Variants in TLK1 observed in about 807,000 individuals in gnomAD.
TLK1 encodes tousled like kinase 1.
Under a neutral mutation model 105.3 loss-of-function variants are expected in TLK1, and 24 were observed. That is an observed-to-expected ratio of 0.23 (90% confidence interval 0.17 to 0.32). TLK1 has a LOEUF of 0.32. Ranked by LOEUF, TLK1 falls within the 10% of genes least tolerant of loss-of-function variation. TLK1 has a pLI of 1.00. For missense variants in TLK1, 558 were observed against 910.5 expected (o/e 0.61, Z 4.98); for synonymous variants, 321 against 310.4 (o/e 1.03, Z -0.36).
At chr2:171,116,399 A>T (rs1034494355) in intron 2 of TLK1, among the ~76,000 whole-genome samples, 3 of 152,144 alleles carry the variant, frequency 2.0e-5, no homozygotes, top group African/African-American at 7.2e-5. Context: ...TAACAAGCAT[A>T]CAAAGAAATG....
intron 1 of TLK1, among the ~76,000 whole-genome samples, chr2:171,215,590 A>G (rs1170695760): frequency 6.6e-6 from 1 of 152,236 alleles, no homozygotes; most frequent in Non-Finnish European, 1.5e-5. Flanking sequence ...ACCAAAGGAA[A>G]TTTAAATTAT....
rs111282059 is a variant in TLK1 at position 171,139,417 on chromosome 2, G to A, written c.139+20873C>T. Among the ~76,000 whole-genome samples the A allele has an allele frequency of 3.5e-3, 539 of 152,074 alleles. 5 individuals are homozygous for A. The highest frequency in any genetic ancestry group is 0.012 in the African/African-American group (496 of 41,476). On this transcript the variant is annotated intron_variant, in intron 1 of 20. Transcript: ENST00000431350. Reference sequence around the variant, plus strand: ...GTTTGAGACCAGCCTGGACGACAAGGCGAAACCCTGTCTTTACTAAAGATT... The same window carrying A: ...GTTTGAGACCAGCCTGGACGACAAGACGAAACCCTGTCTTTACTAAAGATT...
chr2:171,166,767 G>A (rs950678042), intron 1 of TLK1, among the ~76,000 whole-genome samples: 2 of 152,134 alleles, frequency 1.3e-5, no homozygotes, highest in South Asian at 2.1e-4. Flanking sequence ...CAGGAGATAA[G>A]AACAAGAATG....
At chr2:171,023,872 T>C (rs555006165) in intron 12 of TLK1, among the ~76,000 whole-genome samples, 58 of 152,308 alleles carry the variant, frequency 3.8e-4, no homozygotes, top group Admixed American at 2.9e-3. Flanking sequence ...TAGCAGAGCT[T>C]CTGAATCACA....
intron 3 of TLK1, among the ~76,000 whole-genome samples, chr2:171,069,994 G>A (rs192542147): frequency 1.1e-4 from 17 of 152,298 alleles, no homozygotes; most frequent in African/African-American, 3.6e-4. Flanking sequence ...AGTGAGATGA[G>A]TATGCTAGAG....
At chr2:171,126,979 G>C (rs894074181) in intron 1 of TLK1, among the ~76,000 whole-genome samples, 1 of 151,616 alleles carries the variant, frequency 6.6e-6, no homozygotes, top group Non-Finnish European at 1.5e-5. Context: ...GAAAGCAAAA[G>C]AATTCAAAAG....
At chr2:171,226,875 C>T (rs1268040132) in intron 1 of TLK1, among the ~76,000 whole-genome samples, 1 of 152,124 alleles carries the variant, frequency 6.6e-6, no homozygotes, top group Non-Finnish European at 1.5e-5. Flanking sequence ...ATAAGTTAAT[C>T]TTCATGTAGT....
At chr2:171,082,521 C>A (rs1688799357) in intron 3 of TLK1, among the ~76,000 whole-genome samples, 1 of 152,184 alleles carries the variant, frequency 6.6e-6, no homozygotes, top group Admixed American at 6.5e-5. Context: ...TGGCTAATAA[C>A]TGTCTCCAGT....
chr2:171,082,610 C>A (rs1279037715), intron 3 of TLK1, among the ~76,000 whole-genome samples, 171 bp downstream of exon 3: 2 of 152,164 alleles, frequency 1.3e-5, no homozygotes, highest in Non-Finnish European at 2.9e-5. Flanking sequence ...ATGCCAAATG[C>A]AGTCTTCAAT....
chr2:171,023,560 AT>A (rs1685632891), intron 12 of TLK1, among the ~76,000 whole-genome samples: 1 of 152,164 alleles, frequency 6.6e-6, no homozygotes, highest in Non-Finnish European at 1.5e-5. Context: ...AGACAAAAAA[AT>A]CTGAAGACAA....
intron 1 of TLK1, among the ~76,000 whole-genome samples, chr2:171,149,103 T>C (rs926127526): frequency 2.9e-5 from 4 of 137,512 alleles, no homozygotes; most frequent in African/African-American, 7.9e-5. Context: ...ACTTTTCTTT[T>C]TTTTTTTTTT....
At position 171,175,250 on chromosome 2, in the gene TLK1, C is replaced by T. The variant is rs181813225; in HGVS notation, c.-6+55895G>A. 3.6e-3 allele frequency among the ~76,000 whole-genome samples: 553 copies of T among 151,882 alleles called. 6 individuals carry two copies. Among genetic ancestry groups the T allele is most frequent in the African/African-American group, 0.012 (511 of 41,404 alleles). On this transcript the variant is annotated intron_variant, in intron 1 of 20. Transcript: ENST00000521943. The stretch of plus-strand genomic sequence containing the variant: ...TGTTTCAAAAAAAGTACACTCAGCC[C>T]TCCGTATTCATGGTATCTATATCCA...
At chr2:171,000,260 C>A (rs1306983341) in intron 18 of TLK1, among the ~76,000 whole-genome samples, 1 of 151,516 alleles carries the variant, frequency 6.6e-6, no homozygotes, top group African/African-American at 2.4e-5. Flanking sequence ...CACCTGTAAT[C>A]CCAACTACTT....
chr2:171,226,373 G>A (rs1157178660), intron 1 of TLK1, among the ~76,000 whole-genome samples: 1 of 152,058 alleles, frequency 6.6e-6, no homozygotes, highest in Non-Finnish European at 1.5e-5. Context: ...ATTTCAAACT[G>A]GCCAAATTTC....
chr2:171,064,384 C>T (rs879689602), intron 3 of TLK1, among the ~76,000 whole-genome samples: 1 of 151,904 alleles, frequency 6.6e-6, no homozygotes, highest in African/African-American at 2.4e-5. Flanking sequence ...AAAAATAGTT[C>T]GACAGCTTTT....
At chr2:171,162,362 A>AC (rs1317629356), upstream of TLK1, among the ~76,000 whole-genome samples, 1 of 152,184 alleles carries the variant, frequency 6.6e-6, no homozygotes, top group Non-Finnish European at 1.5e-5. Flanking sequence ...ACATGGTGAA[A>AC]CCCCATCTCT....
At position 171,073,314 on chromosome 2, in the gene TLK1, A is replaced by C. The variant is rs543602121; in HGVS notation, c.330+9467T>G. 2.4e-3 allele frequency among the ~76,000 whole-genome samples: 372 copies of C among 152,304 alleles called. 1 individual carries two copies. Among genetic ancestry groups the C allele is most frequent in the South Asian group, 5.2e-3 (25 of 4,826 alleles). On this transcript the variant is annotated intron_variant, in intron 3 of 20. Coordinates refer to ENST00000431350, the MANE Select transcript of TLK1 (RefSeq NM_012290.5). ...CCTTAGAAATTTCTTGCTGTAACAA[A>C]CAACCACTGAACCACATCGAATATA...
chr2:171,199,716 G>A (rs1257685939), intron 1 of TLK1, among the ~76,000 whole-genome samples: 1 of 152,130 alleles, frequency 6.6e-6, no homozygotes, highest in Non-Finnish European at 1.5e-5. Flanking sequence ...TTTCAATTAT[G>A]GAGGAGGGTC....
intron 3 of TLK1, among the ~76,000 whole-genome samples, chr2:171,065,537 CTTTCT>C (rs1182644790): frequency 2.3e-4 from 19 of 83,528 alleles, no homozygotes; most frequent in Admixed American, 7.7e-4. Flanking sequence ...ACTGGCTATT[CTTTCT>C]TTTTTTTTTT....
Sources: allele counts gnomAD v4.1 joint callset (sites outside exome capture counted in the v4.1 genomes callset), GRCh38; gene constraint gnomAD v4.1.1; transcripts MANE v1.5; gene names NCBI Gene and HGNC (gene_info 2026-07-23, HGNC 2026-07-21).